ANO4: variants seen among roughly 807,000 people sequenced by gnomAD.
The protein encoded by ANO4 is anoctamin-4.
Under a neutral mutation model 141.9 loss-of-function variants are expected in ANO4, and 69 were observed. The ratio of observed to expected loss-of-function variants is 0.49; its 90% CI spans 0.40 to 0.59. The LOEUF is 0.59. Among genes scored for constraint, ANO4 ranks in the 20% least tolerant of loss-of-function variants. ANO4 has a pLI of 0.00. For synonymous variants in ANO4, 350 were observed against 394.3 expected (o/e 0.89, Z 1.33); for missense variants, 894 against 1,162.2 (o/e 0.77, Z 3.36).
intron 7 of ANO4, among the ~76,000 whole-genome samples, chr12:100,981,942 C>T (rs139706835): frequency 1.9e-3 from 293 of 152,234 alleles, no homozygotes; most frequent in African/African-American, 6.7e-3. Context: ...CAAATAGAAC[C>T]TTCCCAAGAC....
In ANO4 at chr12:101,064,327, C is replaced by T. The variant is rs546998624; in HGVS notation, c.1313-14866C>T. Among the ~76,000 whole-genome samples, 18 of 152,176 alleles carry T rather than the reference C, an allele frequency of 1.2e-4. No individual in the cohort carries two copies. In the East Asian group the frequency reaches 2.7e-3, roughly 23 times the overall value. ...ATGCTTGGGAGATTTTCTAAATTTCCACTTGCTGTTAGTTTCTAACTTCAT... is the reference window on the plus strand; with the variant it reads ...ATGCTTGGGAGATTTTCTAAATTTCTACTTGCTGTTAGTTTCTAACTTCAT... On this transcript the variant is annotated intron_variant, in intron 14 of 27. Coordinates refer to ENST00000392977, the MANE Select transcript of ANO4 (RefSeq NM_001286615.2).
chr12:101,011,665 G>C (rs2046100216), intron 8 of ANO4, among the ~76,000 whole-genome samples: 1 of 152,152 alleles, frequency 6.6e-6, no homozygotes, highest in Non-Finnish European at 1.5e-5. Context: ...CAAGAAGACT[G>C]TAGCAGTCAC....
At chr12:100,730,984 C>G (rs956678589) in intron 1 of ANO4, among the ~76,000 whole-genome samples, 4 of 152,116 alleles carry the variant, frequency 2.6e-5, no homozygotes, top group African/African-American at 9.7e-5. Context: ...ATAGAAAACC[C>G]CTTAAAGATG....
chr12:100,912,392 C>CAAAAAAA (rs35934592), intron 2 of ANO4, among the ~76,000 whole-genome samples: 60 of 66,550 alleles, frequency 9.0e-4, no homozygotes, highest in Non-Finnish European at 1.1e-3. Context: ...AGGACTCTGT[C>CAAAAAAA]AAAAAAAAAA....
intron 1 of ANO4, among the ~76,000 whole-genome samples, chr12:100,828,689 A>G (rs923854385): frequency 6.6e-6 from 1 of 152,044 alleles, no homozygotes; most frequent in Non-Finnish European, 1.5e-5. Flanking sequence ...AGATAAAAGC[A>G]AAGGGTGGAA....
chr12:101,060,253 T>C (rs576692528), intron 14 of ANO4, among the ~76,000 whole-genome samples: 45 of 152,376 alleles, frequency 3.0e-4, no homozygotes, highest in African/African-American at 1.0e-3. Flanking sequence ...GACTGTTTGT[T>C]ATGATTTCCG....
At chr12:101,080,871 T>G (rs1405803933) in intron 15 of ANO4, among the ~76,000 whole-genome samples, 1 of 99,230 alleles carries the variant, frequency 1.0e-5, no homozygotes, top group African/African-American at 3.5e-5. Context: ...TCTAGATATA[T>G]ATATATATAT....
intron 3 of ANO4, among the ~76,000 whole-genome samples, chr12:100,767,264 TA>T (rs2033126047): frequency 6.6e-6 from 1 of 152,242 alleles, no homozygotes; most frequent in South Asian, 2.1e-4. Flanking sequence ...GACTGTTTTG[TA>T]GTTTCTTTGT....
chr12:101,035,170 TAAAC>T (rs1247737351), intron 9 of ANO4, among the ~76,000 whole-genome samples: 1 of 152,146 alleles, frequency 6.6e-6, no homozygotes, highest in Non-Finnish European at 1.5e-5. Flanking sequence ...GGAGAATAGA[TAAAC>T]AAATTATTAC....
chr12:100,861,232 G>C (rs2038457287), intron 1 of ANO4, among the ~76,000 whole-genome samples: 1 of 152,148 alleles, frequency 6.6e-6, no homozygotes, highest in African/African-American at 2.4e-5. Context: ...TTGTAAGACA[G>C]GAAAGTTCTC....
intron 1 of ANO4, among the ~76,000 whole-genome samples, chr12:100,860,543 C>A (rs908635226): frequency 2.6e-5 from 4 of 152,196 alleles, no homozygotes; most frequent in African/African-American, 9.6e-5. Flanking sequence ...TGCTTGCCTA[C>A]TTCCTTCTTC....
intron 8 of ANO4, among the ~76,000 whole-genome samples, chr12:100,993,027 C>G (rs1252414202): frequency 6.6e-6 from 1 of 152,032 alleles, no homozygotes; most frequent in Non-Finnish European, 1.5e-5. Context: ...CCCATCTTTA[C>G]AAAAATTTAA....
intron 27 of ANO4, among the ~76,000 whole-genome samples, chr12:101,127,615 G>A (rs1339610775): frequency 6.6e-6 from 1 of 152,154 alleles, no homozygotes; most frequent in Non-Finnish European, 1.5e-5. Context: ...TGAAAGCATA[G>A]TATCTGCCTG....
At position 101,111,348 on chromosome 12, in the gene ANO4, C is replaced by T. The variant is rs185855183; in HGVS notation, c.2303-215C>T. On this transcript the variant is annotated intron_variant, in intron 23 of 27. Coordinates refer to ENST00000392977, the MANE Select transcript of ANO4 (RefSeq NM_001286615.2). The stretch of plus-strand genomic sequence containing the variant: ...CAGAATTCTCTGCCTCATGTCTGAT[C>T]CTGACTATTAAGTCACAAGCATATA... Among the ~76,000 whole-genome samples the T allele has an allele frequency of 2.6e-3, 396 of 152,226 alleles. 2 individuals are homozygous for T. Among genetic ancestry groups the T allele is most frequent in the Non-Finnish European group, 2.8e-3 (193 of 68,006 alleles).
In ANO4 at chr12:100,795,766, A is replaced by G. The variant is rs533995929; in HGVS notation, c.-141+739A>G. ...CATAGTTTTGTCCTCCTGCTAGGAG[A>G]TAAAATACTTTGAGGTTATTAGAAT... On this transcript the variant is annotated intron_variant, in intron 1 of 27. Coordinates refer to ENST00000392977, the MANE Select transcript of ANO4 (RefSeq NM_001286615.2). 9.9e-4 allele frequency among the ~76,000 whole-genome samples: 150 copies of G among 152,190 alleles called. 2 individuals carry two copies. The highest frequency in any genetic ancestry group is 8.2e-4 in the Non-Finnish European group (56 of 68,034).
chr12:100,791,196 C>T (rs889642795), upstream of ANO4, among the ~76,000 whole-genome samples: 93 of 151,894 alleles, frequency 6.1e-4, 1 homozygote, highest in African/African-American at 2.2e-3. Context: ...CTGGGCAACA[C>T]GGTGAAACCC....
intron 22 of ANO4, among the ~76,000 whole-genome samples, chr12:101,101,353 G>T (rs1228272342): frequency 1.3e-5 from 2 of 152,092 alleles, no homozygotes; most frequent in African/African-American, 2.4e-5. Flanking sequence ...TTTGCTACAG[G>T]TAGTAGAACT....
chr12:100,884,261 A>G (rs898775551), intron 1 of ANO4, among the ~76,000 whole-genome samples: 4 of 152,238 alleles, frequency 2.6e-5, no homozygotes, highest in African/African-American at 9.6e-5. Flanking sequence ...TGCATTGTGA[A>G]GTTTTGATAA....
intron 14 of ANO4, chr12:101,068,360 G>C: frequency 9.2e-7 from 1 of 1,091,984 alleles, no homozygotes; most frequent in Admixed American, 1.7e-5. Flanking sequence ...AGAAGGTAAA[G>C]GGTCTTTGAC....
Sources: allele counts gnomAD v4.1 joint callset (sites outside exome capture counted in the v4.1 genomes callset), GRCh38; gene constraint gnomAD v4.1.1; transcripts MANE v1.5; gene names NCBI Gene and HGNC (gene_info 2026-07-23, HGNC 2026-07-21).